The following PDE4D variants were observed in gnomAD, a reference collection of about 807,000 sequenced individuals.
PDE4D encodes 3',5'-cyclic-AMP phosphodiesterase 4D.
In PDE4D, 24 loss-of-function variants were observed where a neutral mutation model predicts 87.4. The ratio of observed to expected loss-of-function variants is 0.27; its 90% CI spans 0.20 to 0.39. PDE4D has a LOEUF of 0.39. PDE4D is among the 10% of genes least tolerant of loss of function. The pLI is 1.00. For missense variants in PDE4D, 714 were observed against 1,041.0 expected (o/e 0.69, Z 4.32); for synonymous variants, 384 against 383.2 (o/e 1.00, Z -0.02).
chr5:58,986,422 A>G (rs924649057), intron 11 of PDE4D, among the ~76,000 whole-genome samples: 5 of 151,120 alleles, frequency 3.3e-5, no homozygotes, highest in African/African-American at 4.9e-5. Flanking sequence ...CGATCCATCC[A>G]TCGGCTGTGG....
At chr5:59,452,026 A>G (rs1056266434) in intron 1 of PDE4D, among the ~76,000 whole-genome samples, 12 of 152,216 alleles carry the variant, frequency 7.9e-5, no homozygotes, top group Non-Finnish European at 1.8e-4. Context: ...GCCCAACACA[A>G]ACTGGTAAAC....
intron 1 of PDE4D, among the ~76,000 whole-genome samples, chr5:59,502,900 T>A (rs1019896380): frequency 6.4e-5 from 9 of 141,680 alleles, no homozygotes; most frequent in Non-Finnish European, 9.0e-5. Flanking sequence ...TTGTAGGAGA[T>A]TAGAAGGCTT....
At chr5:59,751,594 T>TGTGTGTGTGTGTGC (rs1760478133) in intron 1 of PDE4D, among the ~76,000 whole-genome samples, 1 of 151,016 alleles carries the variant, frequency 6.6e-6, no homozygotes, top group Non-Finnish European at 1.5e-5. Context: ...TGTGTGTGTG[T>TGTGTGTGTGTGTGC]GTGTGTGTGT....
intron 5 of PDE4D, among the ~76,000 whole-genome samples, chr5:59,108,556 G>A (rs945123020): frequency 3.3e-5 from 5 of 152,022 alleles, no homozygotes; most frequent in East Asian, 1.9e-4. Context: ...TGATATCTTC[G>A]GTTTTAGAGG....
At chr5:60,353,286 A>G (rs1759350006) in intron 1 of PDE4D, among the ~76,000 whole-genome samples, 1 of 152,214 alleles carries the variant, frequency 6.6e-6, no homozygotes, top group Admixed American at 6.5e-5. Context: ...CCACCCAATC[A>G]GGAAGCTGCT....
chr5:59,037,629 A>G (rs912113815), intron 6 of PDE4D, among the ~76,000 whole-genome samples: 1 of 152,170 alleles, frequency 6.6e-6, no homozygotes. Flanking sequence ...CAGTGTGGAC[A>G]TGGGTAGGTC....
At chr5:59,966,664 G>C (rs1760092010) in intron 3 of PDE4D, among the ~76,000 whole-genome samples, 1 of 152,256 alleles carries the variant, frequency 6.6e-6, no homozygotes, top group South Asian at 2.1e-4. Context: ...AATGTCATCT[G>C]AGTTTGGTTT....
At chr5:59,014,847 G>A (rs1446305089) in intron 6 of PDE4D, among the ~76,000 whole-genome samples, 19 of 152,154 alleles carry the variant, frequency 1.2e-4, no homozygotes, top group African/African-American at 4.6e-4. Context: ...AAAGCTGGAG[G>A]CATCATGCTA....
intron 2 of PDE4D, among the ~76,000 whole-genome samples, chr5:60,102,944 C>A (rs757280085): frequency 2.7e-5 from 4 of 150,458 alleles, no homozygotes; most frequent in Non-Finnish European, 4.4e-5. Context: ...TTCTTTTCTA[C>A]TTGCAATTTT....
chr5:59,264,532 C>T (rs1020126027), intron 1 of PDE4D, among the ~76,000 whole-genome samples: 1 of 151,920 alleles, frequency 6.6e-6, no homozygotes, highest in Non-Finnish European at 1.5e-5. Flanking sequence ...GAAGCTCTTA[C>T]TGATTCATAT....
chr5:59,489,332 C>T (rs569829481), intron 1 of PDE4D, among the ~76,000 whole-genome samples: 4 of 151,732 alleles, frequency 2.6e-5, no homozygotes, highest in African/African-American at 9.7e-5. Context: ...CTGCTCTCTT[C>T]CTGAGGCTTC....
intron 1 of PDE4D, among the ~76,000 whole-genome samples, chr5:60,337,511 T>C (rs1261019407): frequency 6.6e-6 from 1 of 151,390 alleles, no homozygotes; most frequent in Non-Finnish European, 1.5e-5. Context: ...CAAACTGTTC[T>C]ATACATTAAT....
intron 1 of PDE4D, among the ~76,000 whole-genome samples, chr5:59,458,753 G>A (rs1389589995): frequency 1.3e-5 from 2 of 152,162 alleles, no homozygotes; most frequent in Non-Finnish European, 2.9e-5. Flanking sequence ...TAAAAATAAT[G>A]CAGAAAGCTT....
chr5:59,988,503 G>T (rs1165031006), exon 3 of PDE4D: 3 of 1,597,274 alleles, frequency 1.9e-6, no homozygotes, highest in Non-Finnish European at 1.7e-6. Flanking sequence ...GGATTCTGCA[G>T]AAGTGATAGC....
chr5:59,193,433 G>A (rs534652651), intron 3 of PDE4D, 67 bp downstream of exon 3: 109 of 1,348,986 alleles, frequency 8.1e-5, no homozygotes, highest in Middle Eastern at 1.8e-4. Flanking sequence ...TTAATAACCC[G>A]AACTAATTCC....
chr5:59,551,304 CTTTA>C (rs1273484826), intron 1 of PDE4D, among the ~76,000 whole-genome samples: 2 of 149,010 alleles, frequency 1.3e-5, no homozygotes, highest in Non-Finnish European at 3.0e-5. Flanking sequence ...TTAATGAAAT[CTTTA>C]TTTAAATAAA....
chr5:59,501,194 T>C (rs138113387), intron 1 of PDE4D, among the ~76,000 whole-genome samples: 1 of 152,334 alleles, frequency 6.6e-6, no homozygotes, highest in African/African-American at 2.4e-5. Context: ...CAATTTATCA[T>C]GTAGTCATTT....
At chr5:59,578,838 C>T (rs1486837646) in intron 1 of PDE4D, among the ~76,000 whole-genome samples, 1 of 152,104 alleles carries the variant, frequency 6.6e-6, no homozygotes, top group Non-Finnish European at 1.5e-5. Flanking sequence ...CACAAGTTTC[C>T]CAGCTCTGTA....
At chr5:60,123,243 T>C (rs946146024) in intron 2 of PDE4D, among the ~76,000 whole-genome samples, 2 of 152,306 alleles carry the variant, frequency 1.3e-5, no homozygotes, top group East Asian at 3.9e-4. Context: ...CGCTTCCACA[T>C]TTCAGGTATC....
Sources: allele counts gnomAD v4.1 joint callset (sites outside exome capture counted in the v4.1 genomes callset), GRCh38; gene constraint gnomAD v4.1.1; transcripts MANE v1.5; gene names NCBI Gene and HGNC (gene_info 2026-07-23, HGNC 2026-07-21).